Variants in THRAP3 observed in about 807,000 individuals in gnomAD.
THRAP3 encodes the protein thyroid hormone receptor-associated protein 3.
THRAP3 carries 16 observed loss-of-function variants against 101.0 expected under a neutral mutation model. The ratio of observed to expected loss-of-function variants is 0.16; its 90% CI spans 0.11 to 0.24. The LOEUF (loss-of-function observed/expected upper bound fraction) is 0.24, where lower values mean the gene tolerates loss of function less well. THRAP3 is among the 10% of genes least tolerant of loss of function. THRAP3 has a pLI of 1.00. For synonymous variants in THRAP3, 407 were observed against 422.6 expected (o/e 0.96, Z 0.45); for missense variants, 989 against 1,202.7 (o/e 0.82, Z 2.63).
At chr1:36,264,189 A>C (rs962368311) in intron 2 of THRAP3, among the ~76,000 whole-genome samples, 1 of 152,214 alleles carries the variant, frequency 6.6e-6, no homozygotes, top group African/African-American at 2.4e-5. Flanking sequence ...GGCAGGTTTT[A>C]ATAAATAGCA....
chr1:36,287,499 C>T, intron 4 of THRAP3: 1 of 985,444 alleles, frequency 1.0e-6, no homozygotes, highest in Non-Finnish European at 1.2e-6. Flanking sequence ...TTAGACTACT[C>T]TGCAATGATG....
At chr1:36,293,447 A>C (rs1254127384) in intron 7 of THRAP3, among the ~76,000 whole-genome samples, 1 of 152,224 alleles carries the variant, frequency 6.6e-6, no homozygotes, top group Admixed American at 6.5e-5. Flanking sequence ...TTGTAGGATT[A>C]TCTCACAGAA....
chr1:36,278,933 T>A (rs898461353), intron 2 of THRAP3, among the ~76,000 whole-genome samples: 17 of 151,102 alleles, frequency 1.1e-4, no homozygotes, highest in African/African-American at 2.2e-4. Context: ...CAAAAAAAAA[T>A]AAATAAATAA....
Position 36,261,084 on chromosome 1 carries a change from A to T in THRAP3, c.-32+1600A>T, listed in dbSNP as rs574826615. Among the ~76,000 whole-genome samples, 9 of 152,238 alleles carry T rather than the reference A, an allele frequency of 5.9e-5. No individual in the cohort carries two copies. In the South Asian group the frequency reaches 1.7e-3, roughly 28 times the overall value. On this transcript the variant is annotated intron_variant, in intron 2 of 11. Coordinates refer to ENST00000354618, the MANE Select transcript of THRAP3 (RefSeq NM_005119.4). ...GTGTAAATCTTCCACAATACATTTAAGCATTTTGGCTATATTATAAATTTT... is the reference window on the plus strand; with the variant it reads ...GTGTAAATCTTCCACAATACATTTATGCATTTTGGCTATATTATAAATTTT...
At chr1:36,229,423 G>GTTTTTTTTTTT (rs35936037) in intron 1 of THRAP3, among the ~76,000 whole-genome samples, 1 of 38,922 alleles carries the variant, frequency 2.6e-5, no homozygotes, top group Admixed American at 3.8e-4. Context: ...TTTTTTTTTT[G>GTTTTTTTTTTT]TTTTTTTTTT....
intron 3 of THRAP3, among the ~76,000 whole-genome samples, chr1:36,283,035 C>T (rs2124585330): frequency 1.3e-5 from 2 of 152,202 alleles, no homozygotes; most frequent in Middle Eastern, 6.8e-3. Flanking sequence ...AGGCTTGAAC[C>T]AAAGTTTATG....
At chr1:36,208,253 C>T in the THRAP3 span, among the ~76,000 whole-genome samples, 4 of 152,090 alleles carry the variant, frequency 2.6e-5, no homozygotes, top group Non-Finnish European at 5.9e-5. Flanking sequence ...GGATGAAGTC[C>T]TGTTAATGGC....
chr1:36,217,847 T>G, the THRAP3 span, among the ~76,000 whole-genome samples: 1 of 152,116 alleles, frequency 6.6e-6, no homozygotes, highest in African/African-American at 2.4e-5. Context: ...TCTCTCCTTC[T>G]CCTCCAGTCT....
intron 1 of THRAP3, among the ~76,000 whole-genome samples, chr1:36,228,486 T>A (rs1038039935): frequency 6.6e-6 from 1 of 152,192 alleles, no homozygotes; most frequent in Admixed American, 6.5e-5. Flanking sequence ...CCTCCCAAAG[T>A]GTCGGGAAAG....
At chr1:36,259,278 A>G (rs891954304) in intron 1 of THRAP3, 104 bp from the exon 2 acceptor site, 1 of 395,822 alleles carries the variant, frequency 2.5e-6, no homozygotes, top group African/African-American at 2.1e-5. Flanking sequence ...TTTGGAGTAA[A>G]GCTGAGGGCT....
At chr1:36,301,157 A>G (rs1646026220) in intron 10 of THRAP3, 73 bp downstream of exon 10, 2 of 1,464,982 alleles carry the variant, frequency 1.4e-6, no homozygotes, top group East Asian at 2.4e-5. Flanking sequence ...TCATCAGAAT[A>G]CCAGTTTTGT....
chr1:36,259,592 C>G (rs1645418414), intron 2 of THRAP3, 108 bp downstream of exon 2: 1 of 388,404 alleles, frequency 2.6e-6, no homozygotes, highest in Non-Finnish European at 4.5e-6. Context: ...TGGTGAGATC[C>G]TGTCTCTACA....
intron 1 of THRAP3, among the ~76,000 whole-genome samples, chr1:36,244,026 C>T (rs540601258): frequency 2.6e-4 from 38 of 148,044 alleles, no homozygotes; most frequent in African/African-American, 9.0e-4. Context: ...GGGGGCTGAC[C>T]CCCCCACCTC....
At chr1:36,224,758 C>T (rs1644941283) in intron 1 of THRAP3, among the ~76,000 whole-genome samples, 1 of 152,212 alleles carries the variant, frequency 6.6e-6, no homozygotes, top group African/African-American at 2.4e-5. Context: ...TGCAGAGCAG[C>T]TCCTACGCCG....
rs568891225 is a variant in THRAP3, at chr1:36,235,155, AG to A, written c.-135+10657del. 9.2e-5 allele frequency among the ~76,000 whole-genome samples: 14 copies of A among 151,674 alleles called. No homozygotes were observed. In the East Asian group the frequency reaches 2.3e-3, roughly 25 times the overall value. On this transcript the variant is annotated intron_variant, in intron 1 of 11. Transcript: ENST00000354618. ...GAGGTAGAAATCTCTGTCTAGCTGC[AG>A]GGGGGGTTATTGTGATGGTTAGATG...
Position 36,282,647 on chromosome 1 carries a change from G to C in THRAP3, c.84G>C (p.Ser28=), listed in dbSNP as rs200942337. The C allele has an allele frequency of 6.2e-7, 1 of 1,614,048 alleles. No homozygotes were observed. Among genetic ancestry groups the C allele is most frequent in the Non-Finnish European group, 8.5e-7 (1 of 1,180,026 alleles). The part of the protein sequence containing the change: ...SASRSRSRSF[S]KSRSRSRSLS... ...CAAGATCTCGTTCTCGTTCATTTTC[G>C]AAGTCTCGGTCCCGAAGCCGATCTC... Residue 28 remains serine, a synonymous_variant, in exon 3 of 12, where the codon TCG becomes TCC. Transcript: ENST00000354618.
intron 2 of THRAP3, among the ~76,000 whole-genome samples, chr1:36,281,432 TG>T (rs1464079300): frequency 6.6e-6 from 1 of 152,248 alleles, no homozygotes; most frequent in African/African-American, 2.4e-5. Flanking sequence ...CCCTCATTCT[TG>T]GTCATCTCTT....
intron 2 of THRAP3, among the ~76,000 whole-genome samples, chr1:36,266,997 C>T (rs1479932028): frequency 3.9e-5 from 6 of 152,098 alleles, no homozygotes; most frequent in Non-Finnish European, 7.4e-5. Flanking sequence ...TCTCCTGTCT[C>T]AGCCTCCCGA....
the THRAP3 span, among the ~76,000 whole-genome samples, chr1:36,214,199 G>T: frequency 6.6e-6 from 1 of 152,334 alleles, no homozygotes; most frequent in Admixed American, 6.5e-5. Context: ...CCTTTCAGGA[G>T]TTGGCTCTCC....
Sources: allele counts gnomAD v4.1 joint callset (sites outside exome capture counted in the v4.1 genomes callset), GRCh38; gene constraint gnomAD v4.1.1; transcripts MANE v1.5; gene names NCBI Gene and HGNC (gene_info 2026-07-23, HGNC 2026-07-21).